Variants in COA1 observed in about 807,000 individuals in gnomAD.
The protein encoded by COA1 is cytochrome c oxidase assembly factor 1 homolog.
A neutral mutation model predicts 16.0 loss-of-function variants in COA1; 13 were observed. That is an observed-to-expected ratio of 0.81 (90% CI 0.53 to 1.29). The LOEUF (loss-of-function observed/expected upper bound fraction) is 1.29, where lower values mean the gene tolerates loss of function less well. Among genes scored for constraint, COA1 ranks in the 50% most tolerant of loss-of-function variants. The probability of loss-of-function intolerance (pLI) is 0.00; values close to 1 mark genes in which losing one functional copy is unlikely to be tolerated. For synonymous variants in COA1, 65 were observed against 65.7 expected, an observed-to-expected ratio of 0.99 and a Z score of 0.05; for missense variants, 179 against 177.0, an observed-to-expected ratio of 1.01 and a Z score of -0.06.
chr7:43,684,419 A>G (rs2093919299), intron 1 of COA1, among the ~76,000 whole-genome samples: 1 of 152,190 alleles, frequency 6.6e-6, no homozygotes, highest in South Asian at 2.1e-4. Context: ...TTGCAGCTTC[A>G]GAATAGCCAA....
chr7:43,621,735 A>G (rs942139509), intron 6 of COA1, among the ~76,000 whole-genome samples: 3 of 152,218 alleles, frequency 2.0e-5, no homozygotes, highest in African/African-American at 7.2e-5. Context: ...TAAATTTTCT[A>G]TCAAGAGCCT....
intron 1 of COA1, among the ~76,000 whole-genome samples, chr7:43,723,770 TATAAAAATTAGC>T (rs2095556149): frequency 6.6e-6 from 1 of 151,826 alleles, no homozygotes; most frequent in African/African-American, 2.4e-5. Context: ...CAACAAAAAA[TATAAAAATTAGC>T]CCGGCGTGGT....
At chr7:43,710,156 C>G (rs2095169064) in intron 1 of COA1, among the ~76,000 whole-genome samples, 1 of 151,122 alleles carries the variant, frequency 6.6e-6, no homozygotes, top group Non-Finnish European at 1.5e-5. Context: ...TTGAGACCAG[C>G]CTGGCCAACA....
At chr7:43,660,883 C>T (rs1203594905) in intron 1 of COA1, among the ~76,000 whole-genome samples, 2 of 152,120 alleles carry the variant, frequency 1.3e-5, no homozygotes, top group Non-Finnish European at 2.9e-5. Context: ...AATGGCTCCC[C>T]ATCCTATTCA....
chr7:43,715,834 T>C (rs1054989368), intron 1 of COA1, among the ~76,000 whole-genome samples: 1 of 152,172 alleles, frequency 6.6e-6, no homozygotes, highest in Admixed American at 6.5e-5. Flanking sequence ...ACTCCCATAA[T>C]TCCCACGTGT....
intron 1 of COA1, among the ~76,000 whole-genome samples, chr7:43,656,580 G>A (rs993578865): frequency 6.6e-6 from 1 of 152,180 alleles, no homozygotes; most frequent in African/African-American, 2.4e-5. Flanking sequence ...CCTAATCCCA[G>A]CTACTCGGGA....
intron 1 of COA1, among the ~76,000 whole-genome samples, chr7:43,701,440 T>C (rs1453631662): frequency 1.3e-5 from 2 of 152,356 alleles, no homozygotes; most frequent in African/African-American, 2.4e-5. Flanking sequence ...GTAAAGGACA[T>C]GATTCTGCTC....
chr7:43,647,275 G>A (rs1438811164), intron 3 of COA1: 11 of 531,840 alleles, frequency 2.1e-5, no homozygotes, highest in Non-Finnish European at 3.7e-5. Flanking sequence ...TGTGTGCACT[G>A]GACTGAAAGC....
At chr7:43,696,707 G>GTA (rs1049578124) in intron 1 of COA1, among the ~76,000 whole-genome samples, 1 of 147,560 alleles carries the variant, frequency 6.8e-6, no homozygotes, top group African/African-American at 2.4e-5. Flanking sequence ...ATATGTGTGT[G>GTA]TATATATATG....
intron 1 of COA1, among the ~76,000 whole-genome samples, chr7:43,666,388 T>C (rs2092891798): frequency 6.6e-6 from 1 of 152,178 alleles, no homozygotes; most frequent in Non-Finnish European, 1.5e-5. Context: ...CCTGGCCTTG[T>C]TTCTCTAAGG....
chr7:43,699,641 C>G (rs144317913), intron 1 of COA1, among the ~76,000 whole-genome samples: 48 of 152,118 alleles, frequency 3.2e-4, no homozygotes, highest in South Asian at 1.2e-3. Flanking sequence ...ATATGTCCTA[C>G]ACAGAAGCTT....
At chr7:43,633,284 A>G (rs2085348169) in intron 6 of COA1, 1 of 152,188 alleles carries the variant, frequency 6.6e-6, no homozygotes, top group Non-Finnish European at 1.5e-5. Context: ...CTTACATCTC[A>G]TGAACACTGC....
chr7:43,651,406 C>A (rs890679861), intron 1 of COA1, among the ~76,000 whole-genome samples: 1 of 152,122 alleles, frequency 6.6e-6, no homozygotes, highest in African/African-American at 2.4e-5. Flanking sequence ...GTGACTTTGG[C>A]CTCCAAAGGC....
chr7:43,639,677 G>A lies in COA1; in HGVS notation c.346C>T (p.His116Tyr), dbSNP rs754951164. 4.6e-5 allele frequency: 74 copies of A among 1,613,138 alleles called. 1 individual carries two copies. In the South Asian group the frequency reaches 7.2e-4, roughly 16 times the overall value. Residue 116 changes from histidine (H) to tyrosine (Y), a missense_variant, in exon 6 of 6, where the codon CAC becomes TAC. Coordinates refer to ENST00000223336, the MANE Select transcript of COA1 (RefSeq NM_018224.4). ...AGCTCTAAAAAGACCTCGTCAAGGTGCCACCTGAGAGAAACCAAAAGTATA... is the reference window on the plus strand; with the variant it reads ...AGCTCTAAAAAGACCTCGTCAAGGTACCACCTGAGAGAAACCAAAAGTATA... ...SSRGGPFQRWHLDEVFLELKD... is the reference protein window; with the variant it reads ...SSRGGPFQRWYLDEVFLELKD...
intron 1 of COA1, chr7:43,658,979 C>G (rs915820231): frequency 6.6e-6 from 1 of 152,312 alleles, no homozygotes; most frequent in Non-Finnish European, 1.5e-5. Flanking sequence ...GGATTTTACT[C>G]AAAGTGTAAG....
chr7:43,696,981 C>T (rs1309873339), intron 1 of COA1, among the ~76,000 whole-genome samples: 3 of 151,654 alleles, frequency 2.0e-5, no homozygotes, highest in Non-Finnish European at 4.4e-5. Flanking sequence ...AAAATTAACT[C>T]GGCATGGTGA....
intron 1 of COA1, among the ~76,000 whole-genome samples, chr7:43,726,179 G>T (rs1272333163): frequency 6.6e-6 from 1 of 152,100 alleles, no homozygotes; most frequent in African/African-American, 2.4e-5. Context: ...GTTTAAAATA[G>T]AGAGTTAAAT....
chr7:43,612,416 C>T (rs1011321485), intron 6 of COA1, among the ~76,000 whole-genome samples: 1 of 152,200 alleles, frequency 6.6e-6, no homozygotes, highest in Non-Finnish European at 1.5e-5. Context: ...CCTCTGTCTT[C>T]GACAGTGTGT....
chr7:43,623,762 G>A, intron 6 of COA1: 1 of 1,607,020 alleles, frequency 6.2e-7, no homozygotes, highest in Admixed American at 1.7e-5. Context: ...CCTTTCTTAG[G>A]CAATGATAAA....
Sources: allele counts gnomAD v4.1 joint callset (sites outside exome capture counted in the v4.1 genomes callset), GRCh38; gene constraint gnomAD v4.1.1; transcripts MANE v1.5; gene names NCBI Gene and HGNC (gene_info 2026-07-23, HGNC 2026-07-21).